The following PRELID2 variants were observed in gnomAD, a reference collection of about 807,000 sequenced individuals.
PRELID2 encodes the protein PRELI domain-containing protein 2.
A neutral mutation model predicts 28.4 loss-of-function variants in PRELID2; 25 were observed. The observed-to-expected ratio is 0.88, with a 90% CI of 0.64 to 1.23. PRELID2 has a LOEUF of 1.23. Ranked by LOEUF, PRELID2 falls within the 50% of genes most tolerant of loss-of-function variation. The pLI is 0.00. For missense variants in PRELID2, 201 were observed against 214.4 expected (o/e 0.94, Z 0.39); for synonymous variants, 76 against 71.6 (o/e 1.06, Z -0.31).
rs55760860 is a variant in PRELID2, at chr5:145,514,318, C to CAAAAAAAAAAAAAAA, written n.71-41018_71-41004dup. ...GAATATTTACCAAGCAAATGGAAAG[C>CAAAAAAAAAAAAAAA]AAAAAAAAAAAAAAAGCATGGGTTG... On this transcript the variant is annotated intron_variant and non_coding_transcript_variant, in intron 1 of 2. Coordinates refer to the PRELID2 transcript ENST00000510259. 6.1e-4 allele frequency among the ~76,000 whole-genome samples: 41 copies of CAAAAAAAAAAAAAAA among 67,468 alleles called. 1 individual carries two copies. The highest frequency in any genetic ancestry group is 8.1e-4 in the Non-Finnish European group (27 of 33,208). 44.3% of individuals were successfully genotyped at this position (67,468 alleles called of 152,430 possible).
intron 1 of PRELID2, among the ~76,000 whole-genome samples, chr5:145,658,930 A>G (rs1754440497): frequency 6.6e-6 from 1 of 152,228 alleles, no homozygotes; most frequent in Non-Finnish European, 1.5e-5. Flanking sequence ...ACTGTGTTTC[A>G]GAAAAGCCTC....
intron 1 of PRELID2, among the ~76,000 whole-genome samples, chr5:145,535,055 T>G (rs1287302520): frequency 2.0e-5 from 3 of 151,976 alleles, no homozygotes; most frequent in African/African-American, 4.8e-5. Context: ...TCCACAGAAT[T>G]ATAGACCTTG....
the PRELID2 span, among the ~76,000 whole-genome samples, chr5:145,370,769 C>T: frequency 4.6e-5 from 7 of 151,284 alleles, no homozygotes; most frequent in South Asian, 2.1e-4. Flanking sequence ...AATGTTTTCT[C>T]GTTTGTTTCC....
intron 1 of PRELID2, among the ~76,000 whole-genome samples, chr5:145,695,013 G>A (rs183715735): frequency 1.9e-4 from 29 of 152,280 alleles, no homozygotes; most frequent in Admixed American, 1.7e-3. Flanking sequence ...TCAGGTCCTC[G>A]GCTGGTTACT....
the PRELID2 span, among the ~76,000 whole-genome samples, chr5:145,236,351 G>C: frequency 6.6e-6 from 1 of 152,144 alleles, no homozygotes. Flanking sequence ...CCCAGAGGAA[G>C]CTGAGTCATT....
At chr5:145,440,516 T>C in the PRELID2 span, among the ~76,000 whole-genome samples, 1 of 152,162 alleles carries the variant, frequency 6.6e-6, no homozygotes, top group Non-Finnish European at 1.5e-5. Context: ...TAACAAGGTT[T>C]GATTTCCACT....
chr5:145,450,349 A>G, the PRELID2 span, among the ~76,000 whole-genome samples: 2 of 152,262 alleles, frequency 1.3e-5, no homozygotes, highest in African/African-American at 2.4e-5. Context: ...ACTAAATACA[A>G]TTTTTGATAA....
At chr5:145,516,666 C>T (rs1752519733) in intron 1 of PRELID2, among the ~76,000 whole-genome samples, 1 of 151,954 alleles carries the variant, frequency 6.6e-6, no homozygotes, top group Non-Finnish European at 1.5e-5. Context: ...CCAAAAAAGA[C>T]CCCATATAGT....
chr5:145,477,318 G>T (rs921713760), intron 1 of PRELID2, among the ~76,000 whole-genome samples: 4 of 152,166 alleles, frequency 2.6e-5, no homozygotes, highest in Non-Finnish European at 2.9e-5. Context: ...TCATTCTCAA[G>T]CAAGGTCTCT....
chr5:145,493,989 A>G (rs1257297269), intron 1 of PRELID2, among the ~76,000 whole-genome samples: 3 of 152,180 alleles, frequency 2.0e-5, no homozygotes, highest in Non-Finnish European at 4.4e-5. Flanking sequence ...TTCTTTTAAA[A>G]CTTCGTAAGT....
chr5:145,264,618 A>C, the PRELID2 span, among the ~76,000 whole-genome samples: 1 of 152,098 alleles, frequency 6.6e-6, no homozygotes, highest in East Asian at 1.9e-4. Context: ...CTTCTATTCA[A>C]CATAATACTG....
chr5:145,454,797 A>T, the PRELID2 span, among the ~76,000 whole-genome samples: 84 of 152,256 alleles, frequency 5.5e-4, 2 homozygotes, highest in African/African-American at 2.0e-3. Flanking sequence ...GTGTCTGTTC[A>T]TATCCTTTGC....
At chr5:145,253,025 G>A in the PRELID2 span, among the ~76,000 whole-genome samples, 1 of 152,130 alleles carries the variant, frequency 6.6e-6, no homozygotes, top group African/African-American at 2.4e-5. Context: ...TTATTAGGAA[G>A]CAACAGAAAG....
At chr5:145,422,613 T>C in the PRELID2 span, among the ~76,000 whole-genome samples, 1 of 152,258 alleles carries the variant, frequency 6.6e-6, no homozygotes, top group East Asian at 1.9e-4. Context: ...TCCTTTTATT[T>C]TGAGCCTATG....
chr5:145,524,553 G>A lies in PRELID2; in HGVS notation n.71-51238C>T, dbSNP rs537140471. Among the ~76,000 whole-genome samples, 41 of 152,342 alleles carry A rather than the reference G, an allele frequency of 2.7e-4. 1 individual carries two copies. The South Asian group carries it at 7.5e-3, about 28-fold the overall frequency. Reference sequence around the variant, plus strand: ...CAGAAGCAGAGCAAAGAGGGAAAACGTGGTTTTGTTCTCCATGTGGTAATT... The same window carrying A: ...CAGAAGCAGAGCAAAGAGGGAAAACATGGTTTTGTTCTCCATGTGGTAATT... On this transcript the variant is annotated intron_variant and non_coding_transcript_variant, in intron 1 of 2. Transcript: ENST00000510259.
intron 4 of PRELID2, among the ~76,000 whole-genome samples, chr5:145,809,618 A>G (rs1423888410): frequency 6.6e-6 from 1 of 152,248 alleles, no homozygotes; most frequent in Non-Finnish European, 1.5e-5. Context: ...AAAAATAAGC[A>G]GCAGAGGATA....
At chr5:145,782,021 G>A (rs1405593343) in intron 5 of PRELID2, among the ~76,000 whole-genome samples, 1 of 152,082 alleles carries the variant, frequency 6.6e-6, no homozygotes, top group Non-Finnish European at 1.5e-5. Context: ...CAGCACAGCG[G>A]AGAGAACACA....
intron 1 of PRELID2, among the ~76,000 whole-genome samples, chr5:145,643,974 C>G (rs1754153129): frequency 6.6e-6 from 1 of 152,058 alleles, no homozygotes; most frequent in Admixed American, 6.6e-5. Context: ...CTGAAATTTT[C>G]TTTGTTTGTT....
intron 1 of PRELID2, among the ~76,000 whole-genome samples, chr5:145,529,294 T>A (rs1170674198): frequency 6.6e-6 from 1 of 151,908 alleles, no homozygotes; most frequent in East Asian, 1.9e-4. Context: ...TTTAAACTAG[T>A]TCTAAAGTCT....
Sources: allele counts gnomAD v4.1 joint callset (sites outside exome capture counted in the v4.1 genomes callset), GRCh38; gene constraint gnomAD v4.1.1; transcripts MANE v1.5; gene names NCBI Gene and HGNC (gene_info 2026-07-23, HGNC 2026-07-21).